The following SYTL5 variants were observed in gnomAD, a reference collection of about 807,000 sequenced individuals.
SYTL5 encodes synaptotagmin-like protein 5.
A neutral mutation model predicts 55.9 loss-of-function variants in SYTL5; 34 were observed. That is an observed-to-expected ratio of 0.61 (90% CI 0.46 to 0.81). The LOEUF (loss-of-function observed/expected upper bound fraction) is 0.81, where lower values mean the gene tolerates loss of function less well. Ranked by LOEUF, SYTL5 falls within the 30% of genes least tolerant of loss-of-function variation. SYTL5 has a pLI of 0.00. For missense variants in SYTL5, 637 were observed against 546.7 expected (o/e 1.17, Z -1.65); for synonymous variants, 221 against 188.7 (o/e 1.17, Z -1.40).
chrX:38,097,686 T>C (rs1936971167), intron 9 of SYTL5, among the ~76,000 whole-genome samples: 1 of 110,188 alleles, frequency 9.1e-6, no homozygotes, highest in South Asian at 3.8e-4. Context: ...AGGATAATTT[T>C]GTAGAAATAG....
chrX:38,083,537 GA>G (rs969086647), intron 6 of SYTL5, among the ~76,000 whole-genome samples: 3 of 111,510 alleles, frequency 2.7e-5, no homozygotes, highest in Non-Finnish European at 5.7e-5. Context: ...AAAGGAAAAG[GA>G]AGATATGTGC....
the SYTL5 span, among the ~76,000 whole-genome samples, chrX:37,904,366 G>A: frequency 9.4e-6 from 1 of 106,336 alleles, no homozygotes; most frequent in African/African-American, 3.5e-5. Flanking sequence ...GCAGAGTGGG[G>A]GGGACTTTAG....
At chrX:37,946,446 T>C in the SYTL5 span, 1 of 248,461 alleles carries the variant, frequency 4.0e-6, no homozygotes, top group Non-Finnish European at 7.6e-6. Flanking sequence ...AGAAGCTGAA[T>C]ATGCACATCC....
At chrX:38,025,346 C>G (rs1934727907) in intron 1 of SYTL5, among the ~76,000 whole-genome samples, 1 of 111,896 alleles carries the variant, frequency 8.9e-6, no homozygotes, top group Non-Finnish European at 1.9e-5. Flanking sequence ...TCAGATATAC[C>G]CTTTCCTTTG....
At chrX:37,987,969 C>A in the SYTL5 span, among the ~76,000 whole-genome samples, 1 of 112,043 alleles carries the variant, frequency 8.9e-6, no homozygotes, top group Non-Finnish European at 1.9e-5. Flanking sequence ...CTGGGAATAA[C>A]TCCTGTGATA....
At chrX:38,116,672 T>A (rs1937496292) in intron 13 of SYTL5, among the ~76,000 whole-genome samples, 1 of 112,993 alleles carries the variant, frequency 8.9e-6, no homozygotes, top group Non-Finnish European at 1.9e-5. Context: ...TTAGTTCTTC[T>A]ATTCAACTGA....
rs780195469 is a variant in SYTL5, at chrX:38,108,603, T to C, written c.1338T>C (p.Tyr446=). 2.4e-5 allele frequency: 28 copies of C among 1,167,165 alleles called. No individual in the cohort carries two copies. The highest frequency in any genetic ancestry group is 3.2e-5 in the Non-Finnish European group (28 of 861,668). The part of the protein sequence containing the change: ...GDEKKQRTDA[Y]VKSYLLPDKS... Reference sequence around the variant, plus strand: ...ATTTATATTTTCTTATCTATAGTTATGTCAAGTCATATCTTCTTCCTGACA... The same window carrying C: ...ATTTATATTTTCTTATCTATAGTTACGTCAAGTCATATCTTCTTCCTGACA... The change falls in exon 12 of 17, where the codon TAT becomes TAC. Residue 446 remains tyrosine, a synonymous_variant. Coordinates refer to ENST00000297875, the MANE Select transcript of SYTL5 (RefSeq NM_138780.3).
At chrX:38,104,859 C>T (rs1937166273) in intron 10 of SYTL5, among the ~76,000 whole-genome samples, 1 of 111,847 alleles carries the variant, frequency 8.9e-6, no homozygotes, top group Admixed American at 9.5e-5. Flanking sequence ...CAGTAGTCAC[C>T]TTTATCCACA....
chrX:38,048,470 C>G (rs1417534834), intron 2 of SYTL5, among the ~76,000 whole-genome samples: 3 of 104,797 alleles, frequency 2.9e-5, no homozygotes, highest in Admixed American at 1.1e-4. Flanking sequence ...CACCACTTTA[C>G]TTTATTAGTC....
chrX:38,061,452 C>A (rs376534613), intron 3 of SYTL5, among the ~76,000 whole-genome samples: 3 of 111,786 alleles, frequency 2.7e-5, no homozygotes, highest in African/African-American at 9.8e-5. Flanking sequence ...CCCCACTGAG[C>A]TGTCTCTATA....
intron 2 of SYTL5, among the ~76,000 whole-genome samples, chrX:38,043,704 C>CACACATATATAT: frequency 1.6e-5 from 1 of 62,117 alleles, no homozygotes; most frequent in East Asian, 7.0e-4. Flanking sequence ...TATATATATA[C>CACACATATATAT]ATATTTTCAT....
At chrX:37,889,982 C>T in the SYTL5 span, among the ~76,000 whole-genome samples, 1 of 111,409 alleles carries the variant, frequency 9.0e-6, no homozygotes, top group African/African-American at 3.3e-5. Context: ...TGTTTCAGCA[C>T]TGACTGAGTG....
chrX:38,092,972 G>T (rs775947577), intron 7 of SYTL5, among the ~76,000 whole-genome samples: 1 of 111,729 alleles, frequency 9.0e-6, no homozygotes, highest in South Asian at 3.8e-4. Flanking sequence ...GGGAAAACTT[G>T]CCATTAACAT....
the SYTL5 span, among the ~76,000 whole-genome samples, chrX:37,989,652 T>C: frequency 1.8e-5 from 2 of 111,638 alleles, no homozygotes; most frequent in African/African-American, 6.5e-5. Context: ...CTTTTTCCCT[T>C]GTGGAATGGC....
At chrX:37,934,304 T>A in the SYTL5 span, among the ~76,000 whole-genome samples, 1 of 109,556 alleles carries the variant, frequency 9.1e-6, no homozygotes, top group East Asian at 2.9e-4. Context: ...TCTAAAGAAC[T>A]AAGGAAAAGC....
chrX:37,977,063 ATTAT>A, the SYTL5 span, among the ~76,000 whole-genome samples: 1 of 111,771 alleles, frequency 8.9e-6, no homozygotes, highest in African/African-American at 3.2e-5. Flanking sequence ...CTTTGAAAAA[ATTAT>A]TTATTTACTC....
At chrX:37,954,800 T>C in the SYTL5 span, among the ~76,000 whole-genome samples, 5 of 111,637 alleles carry the variant, frequency 4.5e-5, no homozygotes, top group African/African-American at 1.3e-4. Flanking sequence ...AATGGACATA[T>C]AGCAACATCG....
intron 2 of SYTL5, among the ~76,000 whole-genome samples, chrX:38,036,751 G>A (rs141861489): frequency 8.1e-5 from 9 of 111,741 alleles, no homozygotes; most frequent in East Asian, 2.8e-4. Context: ...TCTTACTTTC[G>A]GCATGAAATA....
chrX:38,045,901 A>G (rs1184859950), intron 2 of SYTL5, among the ~76,000 whole-genome samples: 1 of 112,162 alleles, frequency 8.9e-6, no homozygotes, highest in Non-Finnish European at 1.9e-5. Context: ...GGCAGATGCC[A>G]TATGTTGAAA....
Sources: gnomAD v4.1 joint callset for allele counts (sites outside exome capture counted in the v4.1 genomes callset) on GRCh38, gnomAD v4.1.1 for gene constraint, MANE v1.5 for transcripts, NCBI Gene and HGNC (gene_info 2026-07-23, HGNC 2026-07-21) for gene names.